MAST4: variants seen among roughly 807,000 people sequenced by gnomAD.
MAST4 encodes microtubule-associated serine/threonine-protein kinase 4.
MAST4 carries 89 observed loss-of-function variants against 162.7 expected under a neutral mutation model. That is an observed-to-expected ratio of 0.55 (90% CI 0.46 to 0.65). The LOEUF (loss-of-function observed/expected upper bound fraction) is 0.65, where lower values mean the gene tolerates loss of function less well. Among genes scored for constraint, MAST4 ranks in the 30% least tolerant of loss-of-function variants. MAST4 has a pLI of 0.00. For missense variants in MAST4, 3,153 were observed against 3,374.0 expected (o/e 0.93, Z 1.62); for synonymous variants, 1,479 against 1,361.1 (o/e 1.09, Z -1.91).
chr5:66,612,065 C>T (rs1743323372), intron 1 of MAST4, among the ~76,000 whole-genome samples: 1 of 152,262 alleles, frequency 6.6e-6, no homozygotes, highest in Admixed American at 6.5e-5. Flanking sequence ...AAAATGAGGG[C>T]TTGATTACAG....
chr5:67,064,528 G>A (rs1024548043), intron 5 of MAST4, among the ~76,000 whole-genome samples: 1 of 152,180 alleles, frequency 6.6e-6, no homozygotes, highest in Admixed American at 6.5e-5. Flanking sequence ...GTACCACAAA[G>A]CCCTGTACAT....
intron 23 of MAST4, among the ~76,000 whole-genome samples, chr5:67,149,171 A>T (rs1438546762): frequency 6.6e-6 from 1 of 152,176 alleles, no homozygotes; most frequent in Non-Finnish European, 1.5e-5. Flanking sequence ...GGTAGAATGA[A>T]GCCTGAATAG....
chr5:66,843,318 T>C (rs756659843), intron 3 of MAST4, among the ~76,000 whole-genome samples: 1 of 152,210 alleles, frequency 6.6e-6, no homozygotes, highest in Non-Finnish European at 1.5e-5. Context: ...TCCACCACTT[T>C]TCATTTGTCA....
chr5:66,747,017 T>C (rs1752800164), intron 1 of MAST4, among the ~76,000 whole-genome samples: 1 of 151,992 alleles, frequency 6.6e-6, no homozygotes, highest in African/African-American at 2.4e-5. Context: ...TCAGTTGCAA[T>C]TAAATGCCTA....
chr5:67,053,110 A>G (rs1313465605), intron 4 of MAST4, among the ~76,000 whole-genome samples: 1 of 152,190 alleles, frequency 6.6e-6, no homozygotes, highest in Non-Finnish European at 1.5e-5. Context: ...AGCTTAATTA[A>G]ACTCACAGAT....
rs561736001 is a variant in MAST4, at chr5:66,763,822, A to AT, written c.517+3966dup. Among the ~76,000 whole-genome samples, 510 of 152,162 alleles carry AT rather than the reference A, an allele frequency of 3.4e-3. 1 individual carries two copies. Among genetic ancestry groups the AT allele is most frequent in the Non-Finnish European group, 4.6e-3 (316 of 67,990 alleles). ...ATGAAATGCATTATTGACTTAAGAT[A>AT]TTTTTTACTTCTGATGGGTTTATCT... On this transcript the variant is annotated intron_variant, in intron 2 of 28. Coordinates refer to ENST00000403625, the MANE Select transcript of MAST4 (RefSeq NM_001164664.2).
At chr5:67,142,927 A>G (rs1770589660) in intron 21 of MAST4, 1 of 165,304 alleles carries the variant, frequency 6.0e-6, no homozygotes, top group South Asian at 1.7e-4. Context: ...TTATATGATG[A>G]CCTTGCCTTG....
At chr5:67,115,712 T>C (rs1766815112) in intron 12 of MAST4, among the ~76,000 whole-genome samples, 1 of 152,242 alleles carries the variant, frequency 6.6e-6, no homozygotes, top group South Asian at 2.1e-4. Flanking sequence ...TAGATGAGTT[T>C]TAAAAATCAC....
chr5:67,120,301 A>T (rs1488277222), intron 13 of MAST4, among the ~76,000 whole-genome samples: 1 of 152,204 alleles, frequency 6.6e-6, no homozygotes, highest in Non-Finnish European at 1.5e-5. Flanking sequence ...GTTGAGGATG[A>T]TGGTGCCCAC....
chr5:66,956,204 T>G (rs1228482732), intron 4 of MAST4, among the ~76,000 whole-genome samples: 1 of 152,116 alleles, frequency 6.6e-6, no homozygotes, highest in Non-Finnish European at 1.5e-5. Context: ...GTTCTGACTT[T>G]CGTATCTAGC....
intron 3 of MAST4, among the ~76,000 whole-genome samples, chr5:66,872,413 A>C (rs1045949676): frequency 6.6e-6 from 1 of 152,038 alleles, no homozygotes; most frequent in African/African-American, 2.4e-5. Context: ...CAGGTGATCC[A>C]CCTGCCTCGG....
Position 66,852,653 on chromosome 5 carries a change from T to C in MAST4, c.643-47298T>C, listed in dbSNP as rs116189853. On this transcript the variant is annotated intron_variant, in intron 3 of 28. Transcript: ENST00000403625. The stretch of plus-strand genomic sequence containing the variant: ...GCACAACTGAAATTCATTTAGACTG[T>C]ACTTTTGGCTACATTTTTCCCCCAA... Among the ~76,000 whole-genome samples, 972 of 152,322 alleles carry C rather than the reference T, an allele frequency of 6.4e-3. 11 individuals are homozygous for C. Among genetic ancestry groups the C allele is most frequent in the African/African-American group, 0.022 (931 of 41,568 alleles).
intron 4 of MAST4, among the ~76,000 whole-genome samples, chr5:67,047,233 A>G (rs1398204196): frequency 6.6e-6 from 1 of 152,258 alleles, no homozygotes; most frequent in Non-Finnish European, 1.5e-5. Flanking sequence ...GGTTATGTTC[A>G]GAACCTTCCA....
At chr5:66,633,573 A>G (rs1241880961) in intron 1 of MAST4, among the ~76,000 whole-genome samples, 1 of 152,180 alleles carries the variant, frequency 6.6e-6, no homozygotes, top group Non-Finnish European at 1.5e-5. Flanking sequence ...AGGGGTTTCC[A>G]AAAGTCCCTC....
chr5:67,128,621 A>G (rs1049330481), intron 14 of MAST4, among the ~76,000 whole-genome samples: 3 of 152,210 alleles, frequency 2.0e-5, no homozygotes, highest in Non-Finnish European at 4.4e-5. Context: ...CAAGCTGAAC[A>G]CTTAAGGTAA....
chr5:67,049,353 C>T (rs569770981), intron 4 of MAST4, among the ~76,000 whole-genome samples: 2 of 152,110 alleles, frequency 1.3e-5, no homozygotes, highest in East Asian at 3.9e-4. Flanking sequence ...CTGTTTCAAT[C>T]CCTTCATTGT....
At chr5:67,000,691 T>G (rs1751179907) in intron 4 of MAST4, among the ~76,000 whole-genome samples, 1 of 147,390 alleles carries the variant, frequency 6.8e-6, no homozygotes, top group Non-Finnish European at 1.5e-5. Flanking sequence ...GAGGTTGCAG[T>G]AAGCCAAGAT....
chr5:66,996,127 A>G (rs1581141016), intron 4 of MAST4, among the ~76,000 whole-genome samples: 1 of 152,006 alleles, frequency 6.6e-6, no homozygotes, highest in Non-Finnish European at 1.5e-5. Flanking sequence ...AAAATACACA[A>G]AATTAGCTGC....
intron 1 of MAST4, among the ~76,000 whole-genome samples, chr5:66,650,655 G>T (rs1746158891): frequency 6.6e-6 from 1 of 152,112 alleles, no homozygotes; most frequent in Admixed American, 6.5e-5. Context: ...AATTTAATGA[G>T]CATCATGAGC....
Sources: allele counts gnomAD v4.1 joint callset (sites outside exome capture counted in the v4.1 genomes callset), GRCh38; gene constraint gnomAD v4.1.1; transcripts MANE v1.5; gene names NCBI Gene and HGNC (gene_info 2026-07-23, HGNC 2026-07-21).